The following XPO6 variants were observed in gnomAD, a reference collection of about 807,000 sequenced individuals.
XPO6 encodes the protein exportin-6.
XPO6 carries 3 observed loss-of-function variants against 130.0 expected under a neutral mutation model. That is an observed-to-expected ratio of 0.02 (90% confidence interval 0.01 to 0.06). The LOEUF (loss-of-function observed/expected upper bound fraction) is 0.06, where lower values mean the gene tolerates loss of function less well. Among genes scored for constraint, XPO6 ranks in the 10% least tolerant of loss-of-function variants. The pLI, the probability that XPO6 is intolerant of heterozygous loss-of-function variation, is 1.00. For missense variants in XPO6, 970 were observed against 1,393.0 expected, an observed-to-expected ratio of 0.70 and a Z score of 4.83; for synonymous variants, 524 against 548.9, an observed-to-expected ratio of 0.95 and a Z score of 0.63.
chr16:28,138,759 C>T (rs948831807), intron 9 of XPO6, among the ~76,000 whole-genome samples: 2 of 152,170 alleles, frequency 1.3e-5, no homozygotes, highest in South Asian at 2.1e-4. Flanking sequence ...TCCCACTTCT[C>T]GTTCCTACTG....
intron 15 of XPO6, among the ~76,000 whole-genome samples, chr16:28,116,853 T>C (rs942484175): frequency 6.6e-6 from 1 of 152,192 alleles, no homozygotes; most frequent in Non-Finnish European, 1.5e-5. Context: ...ATGTAACACA[T>C]GGAAGCACCA....
chr16:28,111,742 G>A lies in XPO6; in HGVS notation c.2341+75C>T, dbSNP rs558889540. 9.4e-5 allele frequency: 145 copies of A among 1,544,448 alleles called. 2 individuals carry two copies. In the South Asian group the frequency reaches 1.6e-3, roughly 17 times the overall value. ...AAAATTTACCTCAGGAGCCTCCGGGGCAAATCTCATCTGCCACAAAGAACA... is the reference window on the plus strand; with the variant it reads ...AAAATTTACCTCAGGAGCCTCCGGGACAAATCTCATCTGCCACAAAGAACA... On this transcript the variant is annotated intron_variant, in intron 17 of 23. Coordinates refer to ENST00000304658, the MANE Select transcript of XPO6 (RefSeq NM_015171.4).
At chr16:28,157,810 G>A (rs762949538) in intron 6 of XPO6, among the ~76,000 whole-genome samples, 1 of 152,208 alleles carries the variant, frequency 6.6e-6, no homozygotes, top group Non-Finnish European at 1.5e-5. Context: ...TCACAAGGCG[G>A]TGCAGGAAGA....
At chr16:28,167,255 T>C in intron 5 of XPO6, 1 of 985,378 alleles carries the variant, frequency 1.0e-6, no homozygotes, top group Non-Finnish European at 1.2e-6. Flanking sequence ...TCCACCTGCT[T>C]CCTGGACAAT....
chr16:28,159,091 A>ATGG, intron 6 of XPO6, among the ~76,000 whole-genome samples: 1 of 152,026 alleles, frequency 6.6e-6, no homozygotes, highest in Non-Finnish European at 1.5e-5. Context: ...TTAGCCAAGC[A>ATGG]TGGTGGCACA....
chr16:28,184,948 T>C (rs1025867664), intron 1 of XPO6, among the ~76,000 whole-genome samples: 1 of 152,142 alleles, frequency 6.6e-6, no homozygotes, highest in African/African-American at 2.4e-5. Context: ...TTTTTACATG[T>C]ATACCAAACG....
At chr16:28,142,528 C>T (rs1478836892) in intron 9 of XPO6, among the ~76,000 whole-genome samples, 6 of 152,150 alleles carry the variant, frequency 3.9e-5, no homozygotes, top group Non-Finnish European at 5.9e-5. Flanking sequence ...TACTATTTAA[C>T]AGCACTAACC....
At chr16:28,158,154 A>G (rs1014110943) in intron 6 of XPO6, among the ~76,000 whole-genome samples, 3 of 152,246 alleles carry the variant, frequency 2.0e-5, no homozygotes, top group Non-Finnish European at 4.4e-5. Flanking sequence ...ATTAAAATAC[A>G]TGGACACAAA....
rs1345384431 is a variant in XPO6 at position 28,178,759 on chromosome 16, CAAAACAAAAAAAAA to C, written c.95-1441_95-1428del. On this transcript the variant is annotated intron_variant, in intron 2 of 23. Transcript: ENST00000304658. ...CAAAATCCTATCTCTTAAAACAAAA[CAAAACAAAAAAAAA>C]AAAACAAAAAAAGGCCGGGCCCATT... Among the ~76,000 whole-genome samples, 12 of 82,256 alleles carry C rather than the reference CAAAACAAAAAAAAA, an allele frequency of 1.5e-4. No homozygotes were observed. In the South Asian group the frequency reaches 1.9e-3, roughly 13 times the overall value. 54.0% of individuals were successfully genotyped at this position (82,256 alleles called of 152,430 possible). A position where few individuals can be genotyped will look rare whatever the true frequency, so the allele number is the denominator to read the frequency against.
At chr16:28,194,319 C>T (rs1029406727) in intron 1 of XPO6, among the ~76,000 whole-genome samples, 10 of 152,196 alleles carry the variant, frequency 6.6e-5, no homozygotes, top group African/African-American at 2.4e-4. Context: ...TTTTCACTTT[C>T]ATTTTTATAT....
At chr16:28,130,434 G>A (rs2042643240) in intron 12 of XPO6, among the ~76,000 whole-genome samples, 1 of 152,230 alleles carries the variant, frequency 6.6e-6, no homozygotes. Flanking sequence ...GTGGCATGGA[G>A]GTTATTTGAG....
At chr16:28,191,191 T>C (rs2043782415) in intron 1 of XPO6, among the ~76,000 whole-genome samples, 1 of 152,226 alleles carries the variant, frequency 6.6e-6, no homozygotes, top group African/African-American at 2.4e-5. Flanking sequence ...ATTAAAATGT[T>C]TGCATCTACT....
At chr16:28,198,904 G>A (rs1046793968) in intron 1 of XPO6, among the ~76,000 whole-genome samples, 2 of 152,164 alleles carry the variant, frequency 1.3e-5, no homozygotes. Flanking sequence ...AGCACTTTGG[G>A]AGGCCGAGGT....
intron 4 of XPO6, among the ~76,000 whole-genome samples, chr16:28,174,920 G>A (rs559898409): frequency 6.6e-6 from 1 of 152,138 alleles, no homozygotes; most frequent in African/African-American, 2.4e-5. Context: ...CATCTCCCTC[G>A]TAGCTTTTAG....
rs766293813 is a variant in XPO6 at position 28,132,304 on chromosome 16, G to T, written c.1606+30C>A. 8 of 1,507,234 alleles carry T rather than the reference G, an allele frequency of 5.3e-6. No homozygotes were observed. Among genetic ancestry groups the T allele is most frequent in the South Asian group, 4.8e-5 (4 of 84,208 alleles). 93.4% of individuals were successfully genotyped at this position (1,507,234 alleles called of 1,614,324 possible). ...CAGTCCGATGGTTTTTTGAATGTTT[G>T]GTTAAATTAGAAAATAAAAACCAGT... is the stretch of plus-strand genomic sequence containing the variant. On this transcript the variant is annotated intron_variant, in intron 12 of 23. Transcript: ENST00000304658. This position sits in a 1 kb window ranked among gnomAD's most constrained non-coding sequence, Gnocchi z 4.0.
chr16:28,121,523 A>C, intron 14 of XPO6, 147 bp downstream of exon 14: 1 of 693,762 alleles, frequency 1.4e-6, no homozygotes, highest in South Asian at 1.7e-5. Flanking sequence ...TAGTCAAAAA[A>C]ATCTCTCTCT....
chr16:28,126,646 A>T lies in XPO6; in HGVS notation c.1607-798T>A, dbSNP rs1335690868. 2.6e-5 allele frequency: 4 copies of T among 152,236 alleles called. No individual in the cohort carries two copies. The East Asian group carries it at 7.7e-4, about 29-fold the overall frequency. The allele number at this position is 152,236 out of a possible 1,614,324, so 9.4% of individuals were successfully genotyped here. ...TCAACACAACTTCTTCAAACTGAAT[A>T]AGGAGGATGCTAAGATGAAGGACAA... On this transcript the variant is annotated intron_variant, in intron 12 of 23. Transcript: ENST00000304658.
In XPO6 at chr16:28,132,497, G is replaced by A. The variant is rs2042690785; in HGVS notation, c.1537-94C>T. 3 of 838,106 alleles carry A rather than the reference G, an allele frequency of 3.6e-6. No individual in the cohort carries two copies. The highest frequency in any genetic ancestry group is 5.4e-5 in the Admixed American group (2 of 37,194). The allele number at this position is 838,106 out of a possible 1,614,324, so 51.9% of individuals were successfully genotyped here. ...ATTACAACATTAACACGTAACTATG[G>A]TGTGAGGAACAGGATCAAAACCTTT... On this transcript the variant is annotated intron_variant, in intron 11 of 23. Transcript: ENST00000304658. This position sits in a 1 kb window ranked among gnomAD's most constrained non-coding sequence, Gnocchi z 4.0.
At chr16:28,138,335 A>G (rs2042821448) in intron 9 of XPO6, among the ~76,000 whole-genome samples, 2 of 152,228 alleles carry the variant, frequency 1.3e-5, no homozygotes, top group Non-Finnish European at 2.9e-5. Flanking sequence ...TTCAGACCAG[A>G]GGACAGATGA....
Sources: allele counts gnomAD v4.1 joint callset (sites outside exome capture counted in the v4.1 genomes callset), GRCh38; gene constraint gnomAD v4.1.1; non-coding constraint Gnocchi (gnomAD v3.1); transcripts MANE v1.5; gene names NCBI Gene and HGNC (gene_info 2026-07-23, HGNC 2026-07-21).